The following ERBB4 variants were observed in gnomAD, a reference collection of about 807,000 sequenced individuals.
The protein encoded by ERBB4 is receptor tyrosine-protein kinase erbB-4.
In ERBB4, 42 loss-of-function variants were observed where a neutral mutation model predicts 158.0. The observed-to-expected ratio is 0.27, with a 90% CI of 0.21 to 0.34. ERBB4 has a LOEUF of 0.34. ERBB4 is among the 10% of genes least tolerant of loss of function. ERBB4 has a pLI of 1.00. For synonymous variants in ERBB4, 583 were observed against 558.7 expected (o/e 1.04, Z -0.61); for missense variants, 1,333 against 1,624.1 (o/e 0.82, Z 3.08).
chr2:211,410,028 A>C (rs1468101058), intron 25 of ERBB4, among the ~76,000 whole-genome samples: 1 of 152,166 alleles, frequency 6.6e-6, no homozygotes, highest in Non-Finnish European at 1.5e-5. Context: ...AGGACAAACC[A>C]CACTGGTTGT....
intron 1 of ERBB4, chr2:212,125,169 G>A (rs535381034): frequency 1.7e-5 from 7 of 418,630 alleles, no homozygotes; most frequent in African/African-American, 1.0e-4. Context: ...AATCCCATTT[G>A]TTATGACCAT....
intron 2 of ERBB4, among the ~76,000 whole-genome samples, chr2:212,121,652 C>G (rs907210144): frequency 2.6e-5 from 4 of 152,214 alleles, no homozygotes; most frequent in African/African-American, 9.6e-5. Flanking sequence ...TCTACCTCTC[C>G]AGTGGAGTAT....
intron 3 of ERBB4, among the ~76,000 whole-genome samples, chr2:211,882,068 A>G (rs1012992993): frequency 6.6e-6 from 1 of 152,296 alleles, no homozygotes; most frequent in Admixed American, 6.5e-5. Flanking sequence ...CTGCACCACA[A>G]CAACACCCCT....
In ERBB4 at chr2:211,399,639, A is replaced by AAAG. The variant is rs3838532; in HGVS notation, c.3136-11650_3136-11648dup. Among the ~76,000 whole-genome samples the AAAG allele has an allele frequency of 2.6e-5, 4 of 151,954 alleles. No individual in the cohort carries two copies. The East Asian group carries it at 7.7e-4, about 29-fold the overall frequency. ...TTAATTCTAATGGCAAAGTTTTTTA[A>AAAG]AAGTATTTTTAAAAGTATTCTTACA... On this transcript the variant is annotated intron_variant, in intron 25 of 27. Coordinates refer to ENST00000342788, the MANE Select transcript of ERBB4 (RefSeq NM_005235.3).
intron 20 of ERBB4, among the ~76,000 whole-genome samples, chr2:211,551,122 T>G (rs188301745): frequency 4.7e-4 from 71 of 152,278 alleles, no homozygotes; most frequent in African/African-American, 1.7e-3. Context: ...CAATGACTTG[T>G]CCATATTTCT....
At chr2:212,192,485 T>C (rs924927754) in intron 1 of ERBB4, among the ~76,000 whole-genome samples, 25 of 152,114 alleles carry the variant, frequency 1.6e-4, no homozygotes, top group African/African-American at 6.0e-4. Flanking sequence ...TGGTTTTCCA[T>C]GTACATTTTG....
chr2:211,434,011 A>T (rs2063798155), intron 20 of ERBB4, among the ~76,000 whole-genome samples: 1 of 152,238 alleles, frequency 6.6e-6, no homozygotes, highest in South Asian at 2.1e-4. Context: ...GGATAATATC[A>T]AGGAATATTT....
chr2:212,165,444 T>A (rs1041643905), intron 1 of ERBB4, among the ~76,000 whole-genome samples: 1 of 151,786 alleles, frequency 6.6e-6, no homozygotes, highest in Non-Finnish European at 1.5e-5. Flanking sequence ...AGAGGGTAAA[T>A]CCTTTCATAT....
chr2:211,675,820 C>A (rs60655490), intron 13 of ERBB4, among the ~76,000 whole-genome samples: 40,950 of 129,720 alleles, frequency 0.32, 7,724 homozygotes, highest in East Asian at 0.9. Context: ...AACAAATAGG[C>A]TCCCTGGATT....
At position 211,383,277 on chromosome 2, in the gene ERBB4, A is replaced by G. The variant is rs2062606939; in HGVS notation, c.*338T>C. ...AAAAAAAAAGAAGAGGAAGAAAGAA[A>G]CAAAGAAAGAAAAAGAAAAAGAAAA... On this transcript the variant is annotated 3_prime_UTR_variant, in exon 28 of 28. Transcript: ENST00000342788. The G allele has an allele frequency of 3.3e-6, 1 of 304,432 alleles. No individual in the cohort carries two copies. The highest frequency in any genetic ancestry group is 6.5e-5 in the South Asian group (1 of 15,270). 18.9% of individuals were successfully genotyped at this position (304,432 alleles called of 1,614,324 possible).
chr2:212,051,908 A>C (rs960063058), intron 2 of ERBB4, among the ~76,000 whole-genome samples: 1 of 152,222 alleles, frequency 6.6e-6, no homozygotes, highest in African/African-American at 2.4e-5. Context: ...AGTCAGATTG[A>C]GGTTCAGATT....
intron 1 of ERBB4, among the ~76,000 whole-genome samples, chr2:212,252,655 A>G (rs763444798): frequency 1.3e-5 from 2 of 152,086 alleles, no homozygotes; most frequent in Non-Finnish European, 2.9e-5. Context: ...TTGGGGTCCA[A>G]AGAAAGTTTT....
intron 2 of ERBB4, among the ~76,000 whole-genome samples, chr2:211,975,809 C>T (rs1233049964): frequency 6.6e-6 from 1 of 151,986 alleles, no homozygotes; most frequent in Admixed American, 6.6e-5. Context: ...AGTACACATG[C>T]CAATCTCCAA....
At chr2:212,231,130 T>C (rs1407408925) in intron 1 of ERBB4, among the ~76,000 whole-genome samples, 1 of 152,150 alleles carries the variant, frequency 6.6e-6, no homozygotes, top group Admixed American at 6.6e-5. Flanking sequence ...CAAAAGTAAC[T>C]ACTTTGTTGT....
chr2:212,139,563 A>G (rs996124244), intron 1 of ERBB4, among the ~76,000 whole-genome samples: 2 of 151,986 alleles, frequency 1.3e-5, no homozygotes, highest in East Asian at 1.9e-4. Flanking sequence ...TTTTTTCCTT[A>G]TATAAGATAT....
intron 1 of ERBB4, among the ~76,000 whole-genome samples, chr2:212,170,736 G>A (rs2090864): frequency 0.11 from 16,619 of 152,152 alleles, 1,071 homozygotes; most frequent in Non-Finnish European, 0.14. Context: ...GACTTCACAT[G>A]GTGTTGGGTC....
chr2:212,535,679 T>C (rs895014191), intron 1 of ERBB4, among the ~76,000 whole-genome samples: 6 of 152,236 alleles, frequency 3.9e-5, no homozygotes, highest in African/African-American at 1.4e-4. Flanking sequence ...ATAATTGCCA[T>C]ATAAAGGGAC....
At chr2:212,001,422 G>T (rs1029207810) in intron 2 of ERBB4, among the ~76,000 whole-genome samples, 5 of 151,990 alleles carry the variant, frequency 3.3e-5, no homozygotes, top group African/African-American at 1.2e-4. Context: ...TGTTATACTT[G>T]CTCCAGGAGA....
At chr2:212,068,312 A>G (rs575276939) in intron 2 of ERBB4, among the ~76,000 whole-genome samples, 1 of 152,144 alleles carries the variant, frequency 6.6e-6, no homozygotes, top group South Asian at 2.1e-4. Context: ...GCTGGTCACA[A>G]AAAGAAGGGA....
Sources: allele counts gnomAD v4.1 joint callset (sites outside exome capture counted in the v4.1 genomes callset), GRCh38; gene constraint gnomAD v4.1.1; transcripts MANE v1.5; gene names NCBI Gene and HGNC (gene_info 2026-07-23, HGNC 2026-07-21).